The following ZNF536 variants were observed in gnomAD, a reference collection of about 807,000 sequenced individuals.
ZNF536 encodes zinc finger protein 536.
A neutral mutation model predicts 84.5 loss-of-function variants in ZNF536; 13 were observed. That is an observed-to-expected ratio of 0.15 (90% CI 0.10 to 0.24). The LOEUF (loss-of-function observed/expected upper bound fraction) is 0.24, where lower values mean the gene tolerates loss of function less well. Among genes scored for constraint, ZNF536 ranks in the 10% least tolerant of loss-of-function variants. The pLI is 1.00. For missense variants in ZNF536, 1,536 were observed against 1,747.5 expected, an observed-to-expected ratio of 0.88 and a Z score of 2.16; for synonymous variants, 811 against 742.5, an observed-to-expected ratio of 1.09 and a Z score of -1.50.
At chr19:30,257,341 C>G (rs892973098) in intron 1 of ZNF536, among the ~76,000 whole-genome samples, 1 of 152,208 alleles carries the variant, frequency 6.6e-6, no homozygotes, top group African/African-American at 2.4e-5. Context: ...TGGCTGTCAT[C>G]AAAAGCCACA....
chr19:30,611,921 G>A (rs140837101), intron 1 of ZNF536, among the ~76,000 whole-genome samples: 260 of 152,244 alleles, frequency 1.7e-3, no homozygotes, highest in African/African-American at 5.7e-3. Flanking sequence ...TCTCTTAAGC[G>A]TGGATCAGTG....
At chr19:30,271,303 T>TC (rs1555706188) in intron 1 of ZNF536, among the ~76,000 whole-genome samples, 79 of 145,636 alleles carry the variant, frequency 5.4e-4, no homozygotes, top group Non-Finnish European at 1.1e-3. Context: ...TCTTTTCTTT[T>TC]TTTTTTTTTT....
chr19:30,268,123 G>A (rs1476263434), intron 1 of ZNF536, among the ~76,000 whole-genome samples: 1 of 139,360 alleles, frequency 7.2e-6, no homozygotes, highest in Non-Finnish European at 1.5e-5. Flanking sequence ...TGACTTCAGG[G>A]CTTCTCATTT....
intron 2 of ZNF536, among the ~76,000 whole-genome samples, chr19:30,482,131 ATG>A (rs138926025): frequency 3.3e-5 from 5 of 150,808 alleles, no homozygotes; most frequent in East Asian, 3.9e-4. Context: ...ATGTGTGTGA[ATG>A]TGTGTGTGTG....
intron 1 of ZNF536, among the ~76,000 whole-genome samples, chr19:30,651,416 G>T (rs2049701361): frequency 6.6e-6 from 1 of 152,198 alleles, no homozygotes; most frequent in Non-Finnish European, 1.5e-5. Flanking sequence ...CTTTCACCGT[G>T]CAGAAAGCAA....
At position 30,680,123 on chromosome 19, in the gene ZNF536, C is replaced by T. The variant is rs1472144720; in HGVS notation, c.170-30634C>T. Among the ~76,000 whole-genome samples the T allele has an allele frequency of 3.9e-5, 6 of 152,268 alleles. No homozygotes were observed. The East Asian group carries it at 1.2e-3, about 29-fold the overall frequency. On this transcript the variant is annotated intron_variant, in intron 1 of 1. Coordinates refer to the ZNF536 transcript ENST00000592773. ...TCCTGGGTCTGGAGGCCGGAGATGA[C>T]AATCCTGCCTCCTCTCTGTCACACC...
intron 3 of ZNF536, among the ~76,000 whole-genome samples, chr19:30,359,996 T>C (rs541922719): frequency 3.2e-4 from 49 of 152,196 alleles, no homozygotes; most frequent in Non-Finnish European, 6.6e-4. Flanking sequence ...CACCTCTTCC[T>C]GGTCCAGACT....
upstream of ZNF536, among the ~76,000 whole-genome samples, chr19:30,228,063 C>CGT (rs915353342): frequency 8.6e-5 from 13 of 150,950 alleles, no homozygotes; most frequent in East Asian, 3.9e-4. This position sits in a 1 kb window ranked among gnomAD's most constrained non-coding sequence, Gnocchi z 4.5. Context: ...TATGTGCGTG[C>CGT]GTGTGTGTGT....
intron 1 of ZNF536, among the ~76,000 whole-genome samples, chr19:30,569,816 C>T (rs745618331): frequency 1.1e-4 from 17 of 151,952 alleles, no homozygotes; most frequent in Non-Finnish European, 2.1e-4. Flanking sequence ...AAGTGATCTA[C>T]CCACCTCGGC....
chr19:30,330,169 T>C (rs1321030762), intron 2 of ZNF536, among the ~76,000 whole-genome samples: 1 of 152,186 alleles, frequency 6.6e-6, no homozygotes, highest in Admixed American at 6.5e-5. Flanking sequence ...ATCACATACT[T>C]TATTCATCAG....
intron 2 of ZNF536, among the ~76,000 whole-genome samples, chr19:30,287,902 T>C (rs1484036989): frequency 6.6e-6 from 1 of 152,230 alleles, no homozygotes; most frequent in Non-Finnish European, 1.5e-5. Context: ...ATTGGGCTCA[T>C]TGATCCAAAT....
chr19:30,478,651 C>T (rs1233016673), intron 2 of ZNF536, among the ~76,000 whole-genome samples: 1 of 152,176 alleles, frequency 6.6e-6, no homozygotes, highest in Non-Finnish European at 1.5e-5. Flanking sequence ...AACAGCAGAG[C>T]ACATAGCAGG....
At chr19:30,518,880 G>A (rs756297661) in intron 2 of ZNF536, among the ~76,000 whole-genome samples, 1 of 152,106 alleles carries the variant, frequency 6.6e-6, no homozygotes, top group Non-Finnish European at 1.5e-5. Context: ...GTGCAGGGAT[G>A]GGGGAGCTAT....
At chr19:30,506,728 T>TAA (rs1033574714) in intron 2 of ZNF536, among the ~76,000 whole-genome samples, 26 of 152,292 alleles carry the variant, frequency 1.7e-4, no homozygotes, top group African/African-American at 6.0e-4. Flanking sequence ...GGGCCTCGAG[T>TAA]AATCCACAAC....
chr19:30,623,852 T>C (rs1484216163), intron 1 of ZNF536, among the ~76,000 whole-genome samples: 3 of 152,202 alleles, frequency 2.0e-5, no homozygotes, highest in African/African-American at 7.2e-5. Context: ...CTCTGAATAG[T>C]GTCTGGTACT....
intron 1 of ZNF536, among the ~76,000 whole-genome samples, chr19:30,585,328 C>G (rs758415882): frequency 2.0e-5 from 3 of 152,056 alleles, no homozygotes; most frequent in Non-Finnish European, 4.4e-5. Flanking sequence ...TGGCACAGTG[C>G]CTGGCACAGA....
chr19:30,388,887 A>G (rs1300949583), intron 1 of ZNF536, among the ~76,000 whole-genome samples: 1 of 152,204 alleles, frequency 6.6e-6, no homozygotes, highest in African/African-American at 2.4e-5. Context: ...TCATTCAGAC[A>G]GCTGGCAATG....
intron 1 of ZNF536, among the ~76,000 whole-genome samples, chr19:30,675,238 C>G (rs1304949887): frequency 1.3e-5 from 2 of 152,172 alleles, no homozygotes; most frequent in Non-Finnish European, 2.9e-5. Context: ...AAGTAGCAAC[C>G]ACTCGTCTCT....
upstream of ZNF536, among the ~76,000 whole-genome samples, chr19:30,369,136 C>T (rs577015344): frequency 6.6e-6 from 1 of 152,302 alleles, no homozygotes; most frequent in South Asian, 2.1e-4. Flanking sequence ...GTCTGGCAGC[C>T]ACGCAGACAT....
Sources: gnomAD v4.1 joint callset for allele counts (sites outside exome capture counted in the v4.1 genomes callset) on GRCh38, gnomAD v4.1.1 for gene constraint, Gnocchi (gnomAD v3.1) non-coding constraint, MANE v1.5 for transcripts, NCBI Gene and HGNC (gene_info 2026-07-23, HGNC 2026-07-21) for gene names.